SNTB1: variants seen among roughly 807,000 people sequenced by gnomAD.
SNTB1 encodes beta-1-syntrophin.
In SNTB1, 36 loss-of-function variants were observed where a neutral mutation model predicts 48.9. The ratio of observed to expected loss-of-function variants is 0.74; its 90% CI spans 0.56 to 0.97. The LOEUF is 0.97. Among genes scored for constraint, SNTB1 ranks in the 50% least tolerant of loss-of-function variants. The pLI, the probability that SNTB1 is intolerant of heterozygous loss-of-function variation, is 0.00. For missense variants in SNTB1, 786 were observed against 703.4 expected (o/e 1.12, Z -1.33); for synonymous variants, 299 against 294.6 (o/e 1.01, Z -0.15).
At chr8:120,554,661 C>T (rs1026921043) in intron 4 of SNTB1, among the ~76,000 whole-genome samples, 1 of 152,118 alleles carries the variant, frequency 6.6e-6, no homozygotes, top group African/African-American at 2.4e-5. Context: ...ACATTTATTT[C>T]ATTGTTTAAT....
chr8:120,689,517 T>C (rs1441323035), intron 2 of SNTB1, among the ~76,000 whole-genome samples: 1 of 152,202 alleles, frequency 6.6e-6, no homozygotes, highest in Non-Finnish European at 1.5e-5. Flanking sequence ...ATGATGGTTA[T>C]TTGAATTAAA....
intron 1 of SNTB1, among the ~76,000 whole-genome samples, chr8:120,783,855 G>T (rs1194353229): frequency 2.6e-5 from 4 of 152,004 alleles, no homozygotes; most frequent in African/African-American, 9.7e-5. Context: ...TTAAAATAAC[G>T]CAAGTAAATA....
chr8:120,687,576 T>C (rs1007350419), intron 2 of SNTB1, among the ~76,000 whole-genome samples: 1 of 152,228 alleles, frequency 6.6e-6, no homozygotes, highest in African/African-American at 2.4e-5. Context: ...TAAGGTCTAT[T>C]AGCACACCTT....
At chr8:120,601,049 G>A (rs1816413747) in intron 3 of SNTB1, among the ~76,000 whole-genome samples, 1 of 152,212 alleles carries the variant, frequency 6.6e-6, no homozygotes, top group Admixed American at 6.5e-5. Context: ...AGCAGACCCA[G>A]ACAAAGAGGA....
At chr8:120,541,680 G>C in intron 6 of SNTB1, 130 bp downstream of exon 6, 1 of 560,642 alleles carries the variant, frequency 1.8e-6, no homozygotes, top group Non-Finnish European at 2.9e-6. Flanking sequence ...GTTTTTCAAG[G>C]ATCAAATAAA....
chr8:120,587,092 G>T (rs903095975), intron 3 of SNTB1, among the ~76,000 whole-genome samples: 1 of 152,102 alleles, frequency 6.6e-6, no homozygotes, highest in Non-Finnish European at 1.5e-5. Context: ...GTGGTAGCGC[G>T]TGCCTGTAAT....
chr8:120,702,863 T>G (rs1285527279), intron 1 of SNTB1, among the ~76,000 whole-genome samples: 2 of 152,174 alleles, frequency 1.3e-5, no homozygotes, highest in Non-Finnish European at 2.9e-5. Context: ...TTCCTTACCC[T>G]TTTGATACCT....
At chr8:120,763,848 G>T (rs538737376) in intron 1 of SNTB1, among the ~76,000 whole-genome samples, 1 of 151,786 alleles carries the variant, frequency 6.6e-6, no homozygotes, top group South Asian at 2.1e-4. Flanking sequence ...ATAGAGATGG[G>T]GTCTTGTTAT....
intron 1 of SNTB1, among the ~76,000 whole-genome samples, chr8:120,758,640 T>C (rs1356757116): frequency 6.6e-6 from 1 of 152,182 alleles, no homozygotes; most frequent in Non-Finnish European, 1.5e-5. Flanking sequence ...GGCAAGGGAA[T>C]ATACCTGTTT....
At chr8:120,672,270 T>C (rs1817771033) in intron 2 of SNTB1, among the ~76,000 whole-genome samples, 1 of 152,214 alleles carries the variant, frequency 6.6e-6, no homozygotes, top group Admixed American at 6.5e-5. Flanking sequence ...CCCATGTAAG[T>C]TGAGGAGCAT....
intron 3 of SNTB1, among the ~76,000 whole-genome samples, chr8:120,625,713 T>C (rs1255671526): frequency 5.3e-5 from 8 of 152,236 alleles, no homozygotes; most frequent in Admixed American, 5.2e-4. Flanking sequence ...TTGATGACTC[T>C]CTTTTAAAGC....
At chr8:120,746,452 T>G (rs1215797984) in intron 1 of SNTB1, among the ~76,000 whole-genome samples, 2 of 152,218 alleles carry the variant, frequency 1.3e-5, no homozygotes, top group Non-Finnish European at 2.9e-5. Flanking sequence ...AAGTTATATG[T>G]GAATTTTCAA....
intron 3 of SNTB1, among the ~76,000 whole-genome samples, chr8:120,607,325 C>T (rs1816540351): frequency 6.6e-6 from 1 of 152,186 alleles, no homozygotes; most frequent in Non-Finnish European, 1.5e-5. Context: ...CGTCCACCTA[C>T]ATTAATCTAT....
intron 2 of SNTB1, among the ~76,000 whole-genome samples, chr8:120,661,337 T>C (rs141049611): frequency 1.1e-3 from 171 of 152,254 alleles, no homozygotes; most frequent in African/African-American, 4.0e-3. Flanking sequence ...ATTAATAAAC[T>C]AAAAGGAATT....
chr8:120,730,919 A>C (rs1485763578), intron 1 of SNTB1, among the ~76,000 whole-genome samples: 1 of 152,036 alleles, frequency 6.6e-6, no homozygotes, highest in African/African-American at 2.4e-5. Context: ...CAGGAGTTTG[A>C]GACTACCGTG....
chr8:120,611,332 G>A (rs1816618532), intron 3 of SNTB1, among the ~76,000 whole-genome samples: 1 of 138,888 alleles, frequency 7.2e-6, no homozygotes, highest in South Asian at 2.4e-4. Flanking sequence ...TCAAAAGTTG[G>A]CAAATAGCAA....
At chr8:120,545,761 A>C (rs1586987149) in intron 5 of SNTB1, among the ~76,000 whole-genome samples, 1 of 152,330 alleles carries the variant, frequency 6.6e-6, no homozygotes, top group African/African-American at 2.4e-5. Context: ...TGTGGCAAGC[A>C]CGACTGAGGA....
At chr8:120,698,231 G>C (rs184225077) in intron 1 of SNTB1, among the ~76,000 whole-genome samples, 1 of 152,160 alleles carries the variant, frequency 6.6e-6, no homozygotes, top group East Asian at 1.9e-4. Context: ...AGGTTTTTCT[G>C]TGTTTCTTCT....
chr8:120,712,165 G>A (rs1183599730), intron 1 of SNTB1, among the ~76,000 whole-genome samples: 1 of 152,148 alleles, frequency 6.6e-6, no homozygotes, highest in African/African-American at 2.4e-5. Flanking sequence ...TGTAATCCCA[G>A]CACTTTGGGA....
Sources: gnomAD v4.1 joint callset for allele counts (sites outside exome capture counted in the v4.1 genomes callset) on GRCh38, gnomAD v4.1.1 for gene constraint, MANE v1.5 for transcripts, NCBI Gene and HGNC (gene_info 2026-07-23, HGNC 2026-07-21) for gene names.